The following DOCK10 variants were observed in gnomAD, a reference collection of about 807,000 sequenced individuals.
DOCK10 encodes dedicator of cytokinesis 10.
DOCK10 carries 145 observed loss-of-function variants against 280.1 expected under a neutral mutation model. The ratio of observed to expected loss-of-function variants is 0.52; its 90% CI spans 0.45 to 0.59. The LOEUF (loss-of-function observed/expected upper bound fraction) is 0.59. DOCK10 is among the 20% of genes least tolerant of loss of function. The probability of loss-of-function intolerance (pLI) is 0.00; values close to 1 mark genes in which losing one functional copy is unlikely to be tolerated. For synonymous variants in DOCK10, 915 were observed against 942.2 expected, an observed-to-expected ratio of 0.97 and a Z score of 0.53; for missense variants, 2,368 against 2,651.7, an observed-to-expected ratio of 0.89 and a Z score of 2.35.
intron 1 of DOCK10, among the ~76,000 whole-genome samples, chr2:224,997,549 A>G (rs556877758): frequency 1.3e-5 from 2 of 152,224 alleles, no homozygotes; most frequent in East Asian, 3.9e-4. Flanking sequence ...TCTTTTTAAC[A>G]GCAGCACCAT....
At chr2:224,894,196 T>C (rs933433570) in intron 4 of DOCK10, among the ~76,000 whole-genome samples, 1 of 152,224 alleles carries the variant, frequency 6.6e-6, no homozygotes, top group African/African-American at 2.4e-5. Flanking sequence ...TCTTGCAAAC[T>C]ATGAGAATTG....
intron 1 of DOCK10, among the ~76,000 whole-genome samples, chr2:224,996,126 C>T (rs979332052): frequency 2.6e-5 from 4 of 152,218 alleles, no homozygotes; most frequent in East Asian, 1.9e-4. Context: ...GCAAGTACTT[C>T]GTTTCTCTCC....
At position 224,787,270 on chromosome 2, in the gene DOCK10, C is replaced by T; in HGVS notation, c.5541+5G>A. ...AATTAACTTCTAGGGGGTTGGAATA[C>T]ATACTTTGAAGTCTCGTTGTTTCTC... On this transcript the variant is annotated splice_donor_5th_base_variant and intron_variant, in intron 49 of 55. Transcript: ENST00000258390. The T allele has an allele frequency of 6.2e-7, 1 of 1,613,900 alleles. No homozygotes were observed. The highest frequency in any genetic ancestry group is 8.5e-7 in the Non-Finnish European group (1 of 1,179,852).
chr2:224,993,450 C>G (rs7584692), intron 1 of DOCK10, among the ~76,000 whole-genome samples: 5,643 of 152,174 alleles, frequency 0.037, 249 homozygotes, highest in East Asian at 0.14. Context: ...ATGGGCTCAA[C>G]TTGGGAGCAT....
At chr2:224,954,778 G>C (rs1052579056) in intron 1 of DOCK10, among the ~76,000 whole-genome samples, 1 of 152,176 alleles carries the variant, frequency 6.6e-6, no homozygotes, top group African/African-American at 2.4e-5. Context: ...CTAGAATACA[G>C]TGTTCTTTTC....
chr2:224,770,591 T>C lies in DOCK10; in HGVS notation c.6259A>G (p.Lys2087Glu), dbSNP rs1690371380. The change falls in exon 54 of 56, where the codon AAG (lysine) becomes GAG (glutamate). Residue 2087 changes from lysine (K) to glutamate (E), a missense_variant. By Grantham distance (56) the Lys-to-Glu change is moderately conservative. This residue lies in a region of DOCK10 where 1,159 missense variants were observed against 1,400.8 expected (regional missense o/e 0.83). Transcript: ENST00000258390. This position sits in a 1 kb window ranked among gnomAD's most constrained non-coding sequence, Gnocchi z 4.5. Reference protein sequence around the residue: ...ARAFLEETNAKKYPDNQVKLL... With the variant: ...ARAFLEETNAEKYPDNQVKLL... ...TTTACTTGGTTGTCAGGGTACTTCT[T>C]TGCATTGGTTTCTTCAAGAAAAGCT... 1 of 1,613,996 alleles carries C rather than the reference T, an allele frequency of 6.2e-7. No individual in the cohort carries two copies. Among genetic ancestry groups the C allele is most frequent in the Non-Finnish European group, 8.5e-7 (1 of 1,179,860 alleles).
At chr2:224,977,124 T>C (rs998619687) in intron 1 of DOCK10, among the ~76,000 whole-genome samples, 1 of 152,232 alleles carries the variant, frequency 6.6e-6, no homozygotes, top group Non-Finnish European at 1.5e-5. Flanking sequence ...CTATTGTTAA[T>C]TTCCTGCCTT....
chr2:224,790,666 T>C (rs930236498), intron 47 of DOCK10, among the ~76,000 whole-genome samples: 4 of 152,086 alleles, frequency 2.6e-5, no homozygotes, highest in African/African-American at 9.7e-5. Flanking sequence ...TTAAACTATA[T>C]GATAGTTAAT....
chr2:224,800,417 T>C (rs753444690), intron 40 of DOCK10, among the ~76,000 whole-genome samples, 154 bp from the exon 41 acceptor site: 31 of 152,240 alleles, frequency 2.0e-4, no homozygotes, highest in Non-Finnish European at 3.1e-4. Flanking sequence ...AGTTTCTTCA[T>C]TGACTGAATT....
chr2:225,015,747 C>T (rs1018142456), intron 1 of DOCK10, among the ~76,000 whole-genome samples: 1 of 152,152 alleles, frequency 6.6e-6, no homozygotes, highest in African/African-American at 2.4e-5. Flanking sequence ...TTCTTCAGTG[C>T]TCCTTATGGC....
intron 3 of DOCK10, among the ~76,000 whole-genome samples, chr2:224,906,810 G>A (rs565034790): frequency 2.6e-5 from 4 of 152,256 alleles, no homozygotes; most frequent in African/African-American, 9.6e-5. Flanking sequence ...ACTCCAGGGG[G>A]TACTTGTCAG....
At chr2:224,789,503 T>G (rs1691996292) in intron 47 of DOCK10, among the ~76,000 whole-genome samples, 1 of 152,156 alleles carries the variant, frequency 6.6e-6, no homozygotes, top group African/African-American at 2.4e-5. Flanking sequence ...CTGGGGACAT[T>G]AATATCTCTC....
chr2:224,795,412 A>G (rs1692493486), intron 44 of DOCK10, among the ~76,000 whole-genome samples: 1 of 152,222 alleles, frequency 6.6e-6, no homozygotes, highest in Non-Finnish European at 1.5e-5. Flanking sequence ...CTTTACTCCT[A>G]GAGACCATGG....
intron 18 of DOCK10, 118 bp downstream of exon 18, chr2:224,852,259 A>G: frequency 1.4e-6 from 1 of 729,998 alleles, no homozygotes; most frequent in Non-Finnish European, 2.3e-6. Context: ...ATCTAAAACA[A>G]ATGTATTAAA....
At chr2:225,021,042 A>C (rs769960796) in intron 1 of DOCK10, among the ~76,000 whole-genome samples, 5 of 152,252 alleles carry the variant, frequency 3.3e-5, no homozygotes, top group Non-Finnish European at 7.3e-5. Flanking sequence ...GAGGAGCTGG[A>C]GAGCTTTGCC....
intron 27 of DOCK10, among the ~76,000 whole-genome samples, chr2:224,827,527 T>C (rs1694948728): frequency 6.6e-6 from 1 of 152,122 alleles, no homozygotes; most frequent in African/African-American, 2.4e-5. Context: ...AGATGCATAC[T>C]GGTAGGAACT....
chr2:224,910,370 C>T (rs542306938), intron 3 of DOCK10, among the ~76,000 whole-genome samples: 2 of 152,294 alleles, frequency 1.3e-5, no homozygotes, highest in Admixed American at 6.5e-5. Context: ...GAGAAGTTTT[C>T]TTTCCAGAGG....
intron 11 of DOCK10, among the ~76,000 whole-genome samples, chr2:224,865,903 ACACT>A (rs1439420772): frequency 2.6e-5 from 4 of 151,636 alleles, no homozygotes; most frequent in African/African-American, 7.3e-5. Flanking sequence ...ACATACACAC[ACACT>A]CTCTCTCTCT....
At chr2:224,835,621 T>G (rs774106231) in intron 25 of DOCK10, among the ~76,000 whole-genome samples, 17 of 152,192 alleles carry the variant, frequency 1.1e-4, no homozygotes, top group Non-Finnish European at 2.2e-4. Context: ...GAATGTTCCT[T>G]TGGTCATTTC....
Sources: allele counts gnomAD v4.1 joint callset (sites outside exome capture counted in the v4.1 genomes callset), GRCh38; gene constraint gnomAD v4.1.1; regional missense constraint gnomAD v4.1.1; non-coding constraint Gnocchi (gnomAD v3.1); transcripts MANE v1.5; gene names NCBI Gene and HGNC (gene_info 2026-07-23, HGNC 2026-07-21).